Variants in BCAR1 observed in about 807,000 individuals in gnomAD.
BCAR1 encodes the protein breast cancer anti-estrogen resistance protein 1.
Under a neutral mutation model 67.6 loss-of-function variants are expected in BCAR1, and 30 were observed. The ratio of observed to expected loss-of-function variants is 0.44; its 90% CI spans 0.33 to 0.60. The LOEUF (loss-of-function observed/expected upper bound fraction) is 0.60, where lower values mean the gene tolerates loss of function less well. Among genes scored for constraint, BCAR1 ranks in the 20% least tolerant of loss-of-function variants. The pLI, the probability that BCAR1 is intolerant of heterozygous loss-of-function variation, is 0.02. For missense variants in BCAR1, 1,313 were observed against 1,222.3 expected (o/e 1.07, Z -1.11); for synonymous variants, 626 against 556.7 (o/e 1.12, Z -1.75).
chr16:75,244,877 T>G (rs2077466915), intron 1 of BCAR1, among the ~76,000 whole-genome samples: 1 of 152,208 alleles, frequency 6.6e-6, no homozygotes, highest in East Asian at 1.9e-4. Context: ...CAAGAAAATG[T>G]CCTGTGAAAC....
At chr16:75,267,984 C>A in exon 1 of BCAR1, 1 of 1,581,314 alleles carries the variant, frequency 6.3e-7, no homozygotes, top group Non-Finnish European at 8.6e-7. Flanking sequence ...AGTGCATGCC[C>A]TCTCCTGACA....
rs1326106051 is a variant in BCAR1 at position 75,228,913 on chromosome 16, G to C, written c.*598C>G. On this transcript the variant is annotated 3_prime_UTR_variant, in exon 7 of 7. Transcript: ENST00000162330. ...CGGCGTTCCTTGGTTTTCTTCTAGA[G>C]AGACCCACTCCTCCTCTGCCCTCCC... is the stretch of plus-strand genomic sequence containing the variant. 1.3e-5 allele frequency: 2 copies of C among 152,484 alleles called. No homozygotes were observed. Among genetic ancestry groups the C allele is most frequent in the African/African-American group, 4.8e-5 (2 of 41,468 alleles). 9.4% of individuals were successfully genotyped at this position (152,484 alleles called of 1,614,324 possible).
chr16:75,263,425 T>C, intron 1 of BCAR1: 1 of 985,360 alleles, frequency 1.0e-6, no homozygotes, highest in Non-Finnish European at 1.2e-6. Flanking sequence ...CCACAGGGTG[T>C]CCAGGCAGCA....
exon 1 of BCAR1, chr16:75,267,927 A>AGCCCACACT: frequency 1.2e-6 from 2 of 1,602,776 alleles, no homozygotes; most frequent in Non-Finnish European, 1.7e-6. Context: ...TGAGGCAGGG[A>AGCCCACACT]TCCTTGGGTG....
chr16:75,247,912 G>A (rs1567614504), intron 1 of BCAR1: 6 of 727,002 alleles, frequency 8.3e-6, no homozygotes, highest in Non-Finnish European at 1.5e-5. Flanking sequence ...GGGCAGACAA[G>A]GAAATGGGTA....
chr16:75,267,128 TC>T (rs1214723124), intron 1 of BCAR1, among the ~76,000 whole-genome samples: 1 of 152,114 alleles, frequency 6.6e-6, no homozygotes. Flanking sequence ...GCAGCCTTGA[TC>T]TTTTCTCCAG....
upstream of BCAR1, among the ~76,000 whole-genome samples, chr16:75,255,739 C>A (rs2077759770): frequency 6.6e-6 from 1 of 151,594 alleles, no homozygotes; most frequent in African/African-American, 2.4e-5. Flanking sequence ...CGCCTGTAAT[C>A]CCAGCACTTT....
chr16:75,254,301 C>A (rs2077734981), upstream of BCAR1, among the ~76,000 whole-genome samples: 1 of 152,214 alleles, frequency 6.6e-6, no homozygotes, highest in Admixed American at 6.5e-5. Context: ...CTGTCACACT[C>A]AGACTGCAAA....
intron 1 of BCAR1, chr16:75,266,849 G>A: frequency 4.9e-6 from 6 of 1,222,146 alleles, no homozygotes; most frequent in Non-Finnish European, 6.3e-6. Flanking sequence ...AGGGAGGAAA[G>A]ACGGAGCCAG....
intron 1 of BCAR1, among the ~76,000 whole-genome samples, chr16:75,267,396 G>A (rs1229730208): frequency 9.6e-5 from 2 of 20,758 alleles, no homozygotes; most frequent in East Asian, 1.1e-3. Flanking sequence ...CAGCAAGCCG[G>A]GGGGGGGGTG....
chr16:75,238,526 T>G, intron 2 of BCAR1: 2 of 991,924 alleles, frequency 2.0e-6, no homozygotes, highest in Non-Finnish European at 1.2e-6. Flanking sequence ...GAGGGTGCTG[T>G]GAGGGGGGCG....
At chr16:75,230,528 C>A (rs1052787767) in intron 6 of BCAR1, among the ~76,000 whole-genome samples, 1 of 152,174 alleles carries the variant, frequency 6.6e-6, no homozygotes, top group Non-Finnish European at 1.5e-5. Context: ...ACAGAAAAAA[C>A]GAAGATGTCA....
chr16:75,264,702 A>G, intron 1 of BCAR1: 1 of 1,217,404 alleles, frequency 8.2e-7, no homozygotes, highest in Non-Finnish European at 1.0e-6. Context: ...GGTCATCTGC[A>G]CTCACTCTGG....
intron 1 of BCAR1, chr16:75,264,776 G>A (rs1032821453): frequency 1.6e-6 from 1 of 619,374 alleles, no homozygotes; most frequent in Non-Finnish European, 2.2e-6. Flanking sequence ...AAAGGATGGG[G>A]TCCTCCGGGT....
rs10153176 is a variant in BCAR1, at chr16:75,260,870, C to T, written c.66+7045G>A. On this transcript the variant is annotated intron_variant, in intron 1 of 6. Coordinates refer to the BCAR1 transcript ENST00000393422. ...TTAAATTTGGATGCCTACTGAGCCT[C>T]GGCTTTCTGGGATAATTCTTCCTCC... 3.5e-3 allele frequency among the ~76,000 whole-genome samples: 534 copies of T among 152,324 alleles called. 4 individuals carry two copies. Among genetic ancestry groups the T allele is most frequent in the African/African-American group, 8.7e-3 (361 of 41,570 alleles).
Position 75,229,653 on chromosome 16 carries a change from C to T in BCAR1, c.2471G>A (p.Arg824His), listed in dbSNP as rs748287374. The T allele has an allele frequency of 8.9e-5, 144 of 1,612,628 alleles. No individual in the cohort carries two copies. Among genetic ancestry groups the T allele is most frequent in the Admixed American group, 8.0e-4 (48 of 59,980 alleles). ...HYSNLLCDLL[R>H]GIVATTKAAA... ...GGCCTTGGTGGTGGCCACGATGCCGCGCAGGAGGTCGCACAGCAGGTTGCT... is the reference window on the plus strand; with the variant it reads ...GGCCTTGGTGGTGGCCACGATGCCGTGCAGGAGGTCGCACAGCAGGTTGCT... The change falls in exon 7 of 7, where the codon CGC (arginine) becomes CAC (histidine). Residue 824 changes from arginine to histidine, a missense_variant. Arg to His is a conservative substitution (Grantham distance 29, BLOSUM62 0). Around this residue, in one of 2 missense-constraint regions of BCAR1, gnomAD observed 1,272 missense variants for 1,137.5 expected, o/e 1.12. Coordinates refer to ENST00000162330, the MANE Select transcript of BCAR1 (RefSeq NM_014567.5).
At chr16:75,232,163 T>C (rs763451982) in intron 6 of BCAR1, among the ~76,000 whole-genome samples, 1 of 148,094 alleles carries the variant, frequency 6.8e-6, no homozygotes, top group African/African-American at 2.5e-5. Context: ...TAAAACAATT[T>C]TATTTTATTT....
intron 1 of BCAR1, chr16:75,246,509 G>C (rs1426152782): frequency 6.6e-6 from 1 of 152,284 alleles, no homozygotes; most frequent in Non-Finnish European, 1.5e-5. Context: ...CATTCCACAG[G>C]ATTCCTGTCT....
chr16:75,242,507 T>C lies in BCAR1; in HGVS notation c.596A>G (p.Asp199Gly), dbSNP rs2077379357. 1.4e-6 allele frequency: 2 copies of C among 1,477,696 alleles called. No homozygotes were observed. Among genetic ancestry groups the C allele is most frequent in the African/African-American group, 1.4e-5 (1 of 70,344 alleles). 91.5% of individuals were successfully genotyped at this position (1,477,696 alleles called of 1,614,324 possible). ...CTTCGTGCCCTCCCAGCTGCGTGTGTCCATGGACGGGGGGACCTGGTAGAT... is the reference window on the plus strand; with the variant it reads ...CTTCGTGCCCTCCCAGCTGCGTGTGCCCATGGACGGGGGGACCTGGTAGAT... ...HDIYQVPPSMDTRSWEGTKPP... is the reference protein window; with the variant it reads ...HDIYQVPPSMGTRSWEGTKPP... Residue 199 changes from aspartate (D) to glycine (G), a missense_variant, in exon 2 of 7, where the codon GAC becomes GGC. Asp to Gly is a moderately conservative substitution (Grantham distance 94). Transcript: ENST00000162330.
Sources: gnomAD v4.1 joint callset for allele counts (sites outside exome capture counted in the v4.1 genomes callset) on GRCh38, gnomAD v4.1.1 for gene constraint, gnomAD v4.1.1 regional missense constraint, MANE v1.5 for transcripts, NCBI Gene and HGNC (gene_info 2026-07-23, HGNC 2026-07-21) for gene names.